The following REV1 variants were observed in gnomAD, a reference collection of about 807,000 sequenced individuals.
REV1 encodes the protein REV1 DNA directed polymerase.
A neutral mutation model predicts 137.4 loss-of-function variants in REV1; 42 were observed. The observed-to-expected ratio is 0.31, with a 90% CI of 0.24 to 0.40. The LOEUF is 0.40. Among genes scored for constraint, REV1 ranks in the 10% least tolerant of loss-of-function variants. REV1 has a pLI of 1.00. For synonymous variants in REV1, 524 were observed against 519.2 expected, an observed-to-expected ratio of 1.01 and a Z score of -0.12; for missense variants, 1,282 against 1,490.1, an observed-to-expected ratio of 0.86 and a Z score of 2.30.
chr2:99,405,464 C>G (rs954391868), intron 17 of REV1: 4 of 153,638 alleles, frequency 2.6e-5, no homozygotes, highest in Admixed American at 2.0e-4. Context: ...ACCTTACTTT[C>G]AAGGACCAGC....
chr2:99,421,260 G>A (rs1454243205), intron 11 of REV1, among the ~76,000 whole-genome samples: 2 of 151,840 alleles, frequency 1.3e-5, no homozygotes, highest in African/African-American at 4.8e-5. Context: ...AATGTTGAAT[G>A]AAACCTTCCC....
intron 1 of REV1, among the ~76,000 whole-genome samples, chr2:99,484,245 G>A (rs994326031): frequency 6.6e-6 from 1 of 152,130 alleles, no homozygotes; most frequent in Non-Finnish European, 1.5e-5. Flanking sequence ...TGGGAGGAGG[G>A]AAACGAGCAG....
At chr2:99,409,021 G>A (rs7560996) in intron 14 of REV1, among the ~76,000 whole-genome samples, 64,493 of 152,052 alleles carry the variant, frequency 0.42, 13,925 homozygotes, top group Admixed American at 0.57. Context: ...GAGCACAGTG[G>A]CTCACACCTG....
In REV1 at chr2:99,441,654, T is replaced by C. The variant is rs914803461; in HGVS notation, c.503+663A>G. The stretch of plus-strand genomic sequence containing the variant: ...CTATGCATGGAACACAACAAAAATA[T>C]AGCTGGTGCAGTTAGTTCCATTTTT... On this transcript the variant is annotated intron_variant, in intron 5 of 22. Coordinates refer to ENST00000258428, the MANE Select transcript of REV1 (RefSeq NM_016316.4). 3.3e-5 allele frequency among the ~76,000 whole-genome samples: 5 copies of C among 152,308 alleles called. No individual in the cohort carries two copies. The East Asian group carries it at 9.6e-4, about 29-fold the overall frequency.
chr2:99,431,621 G>C (rs992643599), intron 8 of REV1: 1 of 596,040 alleles, frequency 1.7e-6, no homozygotes, highest in African/African-American at 2.0e-5. Context: ...CTAAGATATT[G>C]TCTTGAAAAT....
chr2:99,472,526 C>T (rs1204999695), intron 1 of REV1, among the ~76,000 whole-genome samples: 1 of 152,038 alleles, frequency 6.6e-6, no homozygotes, highest in Non-Finnish European at 1.5e-5. Context: ...TTATATGTAT[C>T]GTACCACAAT....
At chr2:99,457,422 C>T (rs564142756) in intron 3 of REV1, among the ~76,000 whole-genome samples, 17 of 152,268 alleles carry the variant, frequency 1.1e-4, no homozygotes, top group Non-Finnish European at 2.4e-4. Context: ...TGGCTCACAC[C>T]TGTAATCCCA....
chr2:99,488,685 G>A (rs1045413806), intron 1 of REV1, among the ~76,000 whole-genome samples: 3 of 152,186 alleles, frequency 2.0e-5, no homozygotes, highest in African/African-American at 2.4e-5. Flanking sequence ...TGTGTGAAAG[G>A]TTGGTGGACA....
chr2:99,404,442 A>C lies in REV1; in HGVS notation c.3045+2T>G. The C allele has an allele frequency of 1.9e-6, 3 of 1,611,964 alleles. No homozygotes were observed. The highest frequency in any genetic ancestry group is 2.5e-6 in the Non-Finnish European group (3 of 1,178,392). On this transcript the variant is annotated splice_donor_variant, in intron 18 of 22. Transcript: ENST00000258428. LOFTEE classifies it high-confidence loss of function. The stretch of plus-strand genomic sequence containing the variant: ...AGCAGAGGGTTCCCATATTTAACTT[A>C]CCTGTGAAAATGCTGGAAGGGCTAT...
At chr2:99,479,165 T>C (rs1686306360) in intron 1 of REV1, among the ~76,000 whole-genome samples, 1 of 151,606 alleles carries the variant, frequency 6.6e-6, no homozygotes, top group Admixed American at 6.6e-5. Flanking sequence ...CCGTCTCTAC[T>C]AAAAATAAAA....
chr2:99,489,085 A>T (rs1687398324), intron 1 of REV1, among the ~76,000 whole-genome samples: 1 of 152,224 alleles, frequency 6.6e-6, no homozygotes, highest in Non-Finnish European at 1.5e-5. Context: ...AGAGCAGCGA[A>T]ACACAGCGCG....
At chr2:99,458,202 C>T (rs1683747135) in intron 3 of REV1, among the ~76,000 whole-genome samples, 1 of 152,012 alleles carries the variant, frequency 6.6e-6, no homozygotes, top group African/African-American at 2.4e-5. Flanking sequence ...TATGACAAAG[C>T]AGTAGTCTCT....
chr2:99,454,820 A>G (rs1407506175), intron 3 of REV1, among the ~76,000 whole-genome samples: 1 of 152,230 alleles, frequency 6.6e-6, no homozygotes, highest in Non-Finnish European at 1.5e-5. Context: ...ACTAAATTTG[A>G]GGTTTAACTA....
At chr2:99,447,854 G>T (rs186106843) in intron 4 of REV1, among the ~76,000 whole-genome samples, 1 of 152,008 alleles carries the variant, frequency 6.6e-6, no homozygotes, top group Non-Finnish European at 1.5e-5. Context: ...CCAAGTAACC[G>T]GGATTACAGG....
chr2:99,409,760 T>C lies in REV1; in HGVS notation c.2345+935A>G, dbSNP rs370916770. ...CAACAGGCTGAGACAGGAGGATTGCTTGAACCCAGGAGGTAGAAGTTGCAA... is the reference window on the plus strand; with the variant it reads ...CAACAGGCTGAGACAGGAGGATTGCCTGAACCCAGGAGGTAGAAGTTGCAA... On this transcript the variant is annotated intron_variant, in intron 14 of 22. Coordinates refer to ENST00000258428, the MANE Select transcript of REV1 (RefSeq NM_016316.4). Among the ~76,000 whole-genome samples, 278 of 150,226 alleles carry C rather than the reference T, an allele frequency of 1.9e-3. 15 individuals carry two copies. The South Asian group carries it at 0.059, about 32-fold the overall frequency.
intron 15 of REV1, 124 bp downstream of exon 15, chr2:99,407,904 AC>A: frequency 2.1e-6 from 1 of 468,682 alleles, no homozygotes; most frequent in East Asian, 3.3e-5. Context: ...TCCTTGTATT[AC>A]AAAGCAGCTA....
intron 1 of REV1, among the ~76,000 whole-genome samples, chr2:99,481,956 G>A (rs1308005721): frequency 6.6e-6 from 1 of 152,182 alleles, no homozygotes; most frequent in Non-Finnish European, 1.5e-5. Flanking sequence ...TGTTATCCAT[G>A]AATCCATAAT....
intron 12 of REV1, among the ~76,000 whole-genome samples, chr2:99,417,104 G>A (rs1677999808): frequency 6.6e-6 from 1 of 152,022 alleles, no homozygotes. Context: ...ATATGCTGAA[G>A]TCCTGACCCC....
At position 99,444,066 on chromosome 2, in the gene REV1, C is replaced by T. The variant is rs531013014; in HGVS notation, c.351-1597G>A. The stretch of plus-strand genomic sequence containing the variant: ...CGATCTCCTGACCTCGTGATCCACC[C>T]GCCTCTGCCTCCCAAAGTGCTGGGA... On this transcript the variant is annotated intron_variant, in intron 4 of 22. Coordinates refer to ENST00000258428, the MANE Select transcript of REV1 (RefSeq NM_016316.4). Among the ~76,000 whole-genome samples, 141 of 152,196 alleles carry T rather than the reference C, an allele frequency of 9.3e-4. 1 individual carries two copies. Among genetic ancestry groups the T allele is most frequent in the Non-Finnish European group, 1.5e-3 (105 of 67,996 alleles).
Sources: allele counts gnomAD v4.1 joint callset (sites outside exome capture counted in the v4.1 genomes callset), GRCh38; gene constraint gnomAD v4.1.1; transcripts MANE v1.5; gene names NCBI Gene and HGNC (gene_info 2026-07-23, HGNC 2026-07-21).